MAD1L1: variants seen among roughly 807,000 people sequenced by gnomAD.
The protein encoded by MAD1L1 is mitotic spindle assembly checkpoint protein MAD1.
A neutral mutation model predicts 96.9 loss-of-function variants in MAD1L1; 95 were observed. The observed-to-expected ratio is 0.98, with a 90% confidence interval of 0.83 to 1.16. The LOEUF (loss-of-function observed/expected upper bound fraction) is 1.16, where lower values mean the gene tolerates loss of function less well. Among genes scored for constraint, MAD1L1 ranks in the 50% most tolerant of loss-of-function variants. The probability of loss-of-function intolerance (pLI) is 0.00; values close to 1 mark genes in which losing one functional copy is unlikely to be tolerated. For missense variants in MAD1L1, 1,007 were observed against 954.4 expected, an observed-to-expected ratio of 1.06 and a Z score of -0.73; for synonymous variants, 473 against 396.6, an observed-to-expected ratio of 1.19 and a Z score of -2.29.
At chr7:1,952,453 C>T (rs1012634867) in intron 16 of MAD1L1, among the ~76,000 whole-genome samples, 4 of 152,226 alleles carry the variant, frequency 2.6e-5, no homozygotes, top group African/African-American at 7.2e-5. Context: ...CTTTCACGGA[C>T]GGGAAGCACC....
At chr7:1,977,900 C>G (rs910534460) in intron 15 of MAD1L1, among the ~76,000 whole-genome samples, 7 of 152,254 alleles carry the variant, frequency 4.6e-5, no homozygotes, top group Non-Finnish European at 1.0e-4. Context: ...GAAGCCACAG[C>G]TGCAACTCCC....
At chr7:2,093,722 C>T (rs6948245) in intron 11 of MAD1L1, among the ~76,000 whole-genome samples, 10,532 of 152,174 alleles carry the variant, frequency 0.069, 1,163 homozygotes, top group African/African-American at 0.23. Context: ...CCGTCTCATC[C>T]ACCCCTATGA....
intron 10 of MAD1L1, among the ~76,000 whole-genome samples, chr7:2,205,694 C>T (rs1283612398): frequency 1.3e-5 from 2 of 152,208 alleles, no homozygotes; most frequent in Non-Finnish European, 2.9e-5. Context: ...CCACACCTGC[C>T]GTTCTCAGTG....
chr7:2,116,383 C>T (rs1467670616), intron 11 of MAD1L1, among the ~76,000 whole-genome samples: 3 of 152,218 alleles, frequency 2.0e-5, no homozygotes, highest in East Asian at 1.9e-4. Flanking sequence ...GCTTCCTGAA[C>T]GGGAGCGACA....
At chr7:1,878,126 G>A (rs1310028356) in intron 18 of MAD1L1, among the ~76,000 whole-genome samples, 1 of 151,960 alleles carries the variant, frequency 6.6e-6, no homozygotes, top group Admixed American at 6.6e-5. Flanking sequence ...GACCAAAACT[G>A]ACTCAAAAAA....
chr7:1,854,342 C>T (rs963494442), intron 18 of MAD1L1: 7 of 468,826 alleles, frequency 1.5e-5, no homozygotes, highest in African/African-American at 1.4e-4. Context: ...CGTCCCCAAC[C>T]CCCGCTGTGG....
chr7:1,907,603 C>T (rs1402766266), intron 17 of MAD1L1, among the ~76,000 whole-genome samples: 1 of 152,224 alleles, frequency 6.6e-6, no homozygotes, highest in Non-Finnish European at 1.5e-5. Flanking sequence ...AGGCTCCATA[C>T]ACTGCCTGTG....
chr7:2,079,166 C>T (rs1785515888), intron 11 of MAD1L1, among the ~76,000 whole-genome samples: 1 of 152,222 alleles, frequency 6.6e-6, no homozygotes, highest in Admixed American at 6.5e-5. Flanking sequence ...CTCAGTGGCA[C>T]AGGTGGGCAC....
At chr7:2,206,015 C>G (rs1357470189) in intron 10 of MAD1L1, among the ~76,000 whole-genome samples, 1 of 152,076 alleles carries the variant, frequency 6.6e-6, no homozygotes, top group East Asian at 1.9e-4. Context: ...GCCTGGAACC[C>G]CAGCTACTCA....
At chr7:2,049,732 T>A (rs1431276689) in intron 12 of MAD1L1, among the ~76,000 whole-genome samples, 1 of 152,186 alleles carries the variant, frequency 6.6e-6, no homozygotes, top group African/African-American at 2.4e-5. Context: ...AGGAGGACTA[T>A]CGAGCACTGT....
intron 18 of MAD1L1, among the ~76,000 whole-genome samples, chr7:1,861,979 C>T (rs1268629257): frequency 7.2e-5 from 11 of 152,188 alleles, no homozygotes; most frequent in Non-Finnish European, 1.5e-5. Context: ...GGTGTGCCCT[C>T]AGCCTCAGAG....
chr7:1,824,741 C>G (rs983604544), intron 18 of MAD1L1, among the ~76,000 whole-genome samples: 16 of 152,134 alleles, frequency 1.1e-4, no homozygotes, highest in African/African-American at 3.4e-4. Flanking sequence ...TCAAAGCCAG[C>G]GAAGGGGAGA....
intron 10 of MAD1L1, among the ~76,000 whole-genome samples, chr7:2,174,522 G>C (rs1211867012): frequency 6.6e-6 from 1 of 152,106 alleles, no homozygotes; most frequent in African/African-American, 2.4e-5. Context: ...TGTCCTCCCC[G>C]CCGTTTCTTT....
intron 10 of MAD1L1, among the ~76,000 whole-genome samples, chr7:2,203,556 A>G (rs1454467033): frequency 6.6e-6 from 1 of 152,244 alleles, no homozygotes; most frequent in African/African-American, 2.4e-5. Flanking sequence ...TGGGGAAAGA[A>G]GCTGGAAACA....
chr7:1,926,271 C>G (rs761342587), intron 17 of MAD1L1, among the ~76,000 whole-genome samples: 1 of 152,238 alleles, frequency 6.6e-6, no homozygotes, highest in Non-Finnish European at 1.5e-5. Context: ...GCCACAACCA[C>G]AATCCCTAGG....
intron 11 of MAD1L1, among the ~76,000 whole-genome samples, chr7:2,087,688 C>T (rs1785991482): frequency 6.6e-6 from 1 of 152,174 alleles, no homozygotes; most frequent in African/African-American, 2.4e-5. Flanking sequence ...GTGCCGATCG[C>T]AAAGGAACAG....
intron 10 of MAD1L1, among the ~76,000 whole-genome samples, chr7:2,188,198 G>A (rs768098883): frequency 3.9e-5 from 6 of 152,220 alleles, no homozygotes; most frequent in Non-Finnish European, 8.8e-5. Context: ...AGATTATTCC[G>A]TACCACAACT....
intron 15 of MAD1L1, among the ~76,000 whole-genome samples, chr7:1,979,172 C>G (rs546022441): frequency 6.6e-6 from 1 of 152,154 alleles, no homozygotes; most frequent in Non-Finnish European, 1.5e-5. Context: ...GCTGCTGCCG[C>G]GGGGGGTCCA....
At position 1,980,853 on chromosome 7, in the gene MAD1L1, G is replaced by A. The variant is rs1015675525; in HGVS notation, c.1417-312C>T. On this transcript the variant is annotated intron_variant, in intron 14 of 18. Transcript: ENST00000265854. Reference sequence around the variant, plus strand: ...GGACACGCAGCTGGGGAGAGAGCACGCTCCAACGCTGCCGTCGGTTTGGTT... The same window carrying A: ...GGACACGCAGCTGGGGAGAGAGCACACTCCAACGCTGCCGTCGGTTTGGTT... 45 of 467,810 alleles carry A rather than the reference G, an allele frequency of 9.6e-5. 1 individual carries two copies. Among genetic ancestry groups the A allele is most frequent in the Admixed American group, 8.0e-4 (28 of 35,026 alleles). 29.0% of individuals were successfully genotyped at this position (467,810 alleles called of 1,614,324 possible).
Sources: gnomAD v4.1 joint callset for allele counts (sites outside exome capture counted in the v4.1 genomes callset) on GRCh38, gnomAD v4.1.1 for gene constraint, MANE v1.5 for transcripts, NCBI Gene and HGNC (gene_info 2026-07-23, HGNC 2026-07-21) for gene names.